Variants in TBX20 observed in about 807,000 individuals in gnomAD.
TBX20 encodes T-box transcription factor TBX20.
In TBX20, 8 loss-of-function variants were observed where a neutral mutation model predicts 42.9. That is an observed-to-expected ratio of 0.19 (90% confidence interval 0.11 to 0.34). TBX20 has a LOEUF of 0.34. Among genes scored for constraint, TBX20 ranks in the 10% least tolerant of loss-of-function variants. TBX20 has a pLI of 1.00. For missense variants in TBX20, 411 were observed against 566.0 expected (o/e 0.73, Z 2.78); for synonymous variants, 198 against 222.8 (o/e 0.89, Z 0.99).
chr7:35,205,635 AC>A (rs1196840558), intron 6 of TBX20, among the ~76,000 whole-genome samples: 3 of 152,184 alleles, frequency 2.0e-5, no homozygotes, highest in African/African-American at 7.2e-5. Flanking sequence ...AAATATGCAA[AC>A]TTTACCTGTG....
intron 6 of TBX20, among the ~76,000 whole-genome samples, chr7:35,229,378 T>C (rs1789830063): frequency 6.6e-6 from 1 of 152,140 alleles, no homozygotes; most frequent in Admixed American, 6.5e-5. Flanking sequence ...AAAGATCAAT[T>C]GATCTGATTT....
chr7:35,210,307 G>T (rs1251367714), intron 6 of TBX20, among the ~76,000 whole-genome samples: 2 of 151,616 alleles, frequency 1.3e-5, no homozygotes, highest in African/African-American at 4.8e-5. Flanking sequence ...AGTAGAGACC[G>T]GGTTTCACCA....
chr7:35,228,192 T>A (rs1789808857), intron 6 of TBX20, among the ~76,000 whole-genome samples: 1 of 152,134 alleles, frequency 6.6e-6, no homozygotes, highest in South Asian at 2.1e-4. Flanking sequence ...ATTTTCCTCC[T>A]GGCACTATTT....
intron 5 of TBX20, 47 bp downstream of exon 5, chr7:35,240,832 T>G (rs1293699535): frequency 6.4e-7 from 1 of 1,573,308 alleles, no homozygotes; most frequent in African/African-American, 1.3e-5. Flanking sequence ...AAGAACCTCC[T>G]AAATCCTTCT....
intron 1 of TBX20, 132 bp downstream of exon 1, chr7:35,253,362 A>G (rs1790341435): frequency 9.2e-7 from 1 of 1,088,070 alleles, no homozygotes; most frequent in African/African-American, 1.6e-5. Context: ...CCAAAAGAAA[A>G]AGATCTCCCA....
At chr7:35,232,037 C>CATA (rs1466277505) in intron 5 of TBX20, among the ~76,000 whole-genome samples, 2 of 152,058 alleles carry the variant, frequency 1.3e-5, no homozygotes, top group Non-Finnish European at 2.9e-5. Flanking sequence ...CATATACATA[C>CATA]CATAATAGAT....
chr7:35,231,866 G>A (rs1206195522), intron 5 of TBX20, among the ~76,000 whole-genome samples: 4 of 152,116 alleles, frequency 2.6e-5, no homozygotes, highest in Non-Finnish European at 4.4e-5. Context: ...GAACTGGGGT[G>A]TGCAGTATTT....
At chr7:35,233,008 G>A (rs534385659) in intron 5 of TBX20, among the ~76,000 whole-genome samples, 147 of 152,292 alleles carry the variant, frequency 9.7e-4, no homozygotes, top group African/African-American at 3.2e-3. Flanking sequence ...CGACAAGAGC[G>A]AGAGAAAGAC....
At chr7:35,218,706 CCTT>C (rs543065380) in intron 6 of TBX20, among the ~76,000 whole-genome samples, 180 of 152,094 alleles carry the variant, frequency 1.2e-3, no homozygotes, top group African/African-American at 4.2e-3. Flanking sequence ...AATTTACACT[CCTT>C]GATTTCTGTC....
At chr7:35,223,261 G>GA (rs1789714046) in intron 6 of TBX20, among the ~76,000 whole-genome samples, 1 of 152,210 alleles carries the variant, frequency 6.6e-6, no homozygotes, top group African/African-American at 2.4e-5. Flanking sequence ...GTGTGGTTAG[G>GA]CAGCCAGTTA....
At chr7:35,231,320 A>G (rs1170468772) in intron 6 of TBX20, among the ~76,000 whole-genome samples, 184 bp downstream of exon 6, 1 of 152,228 alleles carries the variant, frequency 6.6e-6, no homozygotes, top group African/African-American at 2.4e-5. Context: ...AGCATATAAT[A>G]GATCCAGTCA....
intron 5 of TBX20, among the ~76,000 whole-genome samples, chr7:35,236,071 G>A (rs537330045): frequency 2.0e-5 from 3 of 152,068 alleles, no homozygotes; most frequent in Non-Finnish European, 4.4e-5. Flanking sequence ...ATCCAATAAT[G>A]TAAAGAAATG....
intron 6 of TBX20, among the ~76,000 whole-genome samples, chr7:35,210,229 C>T (rs1789472147): frequency 1.3e-5 from 2 of 151,638 alleles, no homozygotes. Context: ...ATTCTCGTGC[C>T]TCAGCCTCCC....
At position 35,245,033 on chromosome 7, in the gene TBX20, A is replaced by G. The variant is rs1426155317; in HGVS notation, c.570T>C (p.Pro190=). The change falls in exon 4 of 8, where the codon CCT becomes CCC. Residue 190 remains proline (P), a synonymous_variant. Coordinates refer to ENST00000408931, the MANE Select transcript of TBX20 (RefSeq NM_001077653.2). ...GTTTGAGTAGTTGCTCACCGGTAAA[A>G]GGAGAATCTGGATGCACATAGAGCC... The part of the protein sequence containing the change: ...PARLYVHPDS[P]FTGEQLLKQM... The G allele has an allele frequency of 1.9e-6, 3 of 1,613,576 alleles. No individual in the cohort carries two copies. The highest frequency in any genetic ancestry group is 2.5e-6 in the Non-Finnish European group (3 of 1,179,594).
intron 6 of TBX20, among the ~76,000 whole-genome samples, chr7:35,207,133 C>T (rs1194484073): frequency 6.6e-6 from 1 of 152,202 alleles, no homozygotes. Flanking sequence ...TTCCCACCAT[C>T]AGTGTATGAG....
intron 6 of TBX20, among the ~76,000 whole-genome samples, chr7:35,212,515 A>G (rs1231886918): frequency 1.3e-5 from 2 of 152,192 alleles, no homozygotes; most frequent in African/African-American, 4.8e-5. Flanking sequence ...TCTATTTATA[A>G]GGACATAAAT....
At chr7:35,234,164 C>T (rs1281071758) in intron 5 of TBX20, among the ~76,000 whole-genome samples, 1 of 152,134 alleles carries the variant, frequency 6.6e-6, no homozygotes, top group South Asian at 2.1e-4. Context: ...AGCCATCTCT[C>T]TAAGATATGA....
intron 5 of TBX20, among the ~76,000 whole-genome samples, chr7:35,239,387 T>C (rs1319932784): frequency 2.6e-5 from 4 of 152,258 alleles, no homozygotes; most frequent in Non-Finnish European, 5.9e-5. Context: ...AGGAGAGCAA[T>C]AGTCTTGGCT....
intron 1 of TBX20, 120 bp downstream of exon 1, chr7:35,253,374 C>G (rs1790341590): frequency 9.1e-6 from 11 of 1,206,692 alleles, no homozygotes; most frequent in Admixed American, 2.3e-5. Context: ...GATCTCCCAC[C>G]CGCGATGTAT....
Sources: gnomAD v4.1 joint callset for allele counts (sites outside exome capture counted in the v4.1 genomes callset) on GRCh38, gnomAD v4.1.1 for gene constraint, MANE v1.5 for transcripts, NCBI Gene and HGNC (gene_info 2026-07-23, HGNC 2026-07-21) for gene names.